Variants in MYLK4 observed in about 807,000 individuals in gnomAD.
The protein encoded by MYLK4 is myosin light chain kinase family member 4.
In MYLK4, 46 loss-of-function variants were observed where a neutral mutation model predicts 48.1. That is an observed-to-expected ratio of 0.96 (90% CI 0.75 to 1.22). The LOEUF (loss-of-function observed/expected upper bound fraction) is 1.22, where lower values mean the gene tolerates loss of function less well. Ranked by LOEUF, MYLK4 falls within the 50% of genes most tolerant of loss-of-function variation. MYLK4 has a pLI of 0.00. For missense variants in MYLK4, 451 were observed against 486.1 expected (o/e 0.93, Z 0.68); for synonymous variants, 170 against 180.8 (o/e 0.94, Z 0.48).
the MYLK4 span, chr6:2,765,805 C>T: frequency 3.6e-6 from 5 of 1,370,534 alleles, no homozygotes; most frequent in African/African-American, 4.6e-5. Flanking sequence ...GGGAGCGGGC[C>T]AAGGGGCCCT....
the MYLK4 span, chr6:2,766,334 G>T: frequency 1.9e-6 from 3 of 1,610,896 alleles, no homozygotes; most frequent in Non-Finnish European, 2.5e-6. Flanking sequence ...CACGCTGCAG[G>T]ATTACTTCGG....
upstream of MYLK4, among the ~76,000 whole-genome samples, chr6:2,754,770 T>C (rs986111167): frequency 6.6e-6 from 1 of 152,212 alleles, no homozygotes; most frequent in African/African-American, 2.4e-5. Flanking sequence ...CTGTCCCCAG[T>C]GACCAAGGCT....
the MYLK4 span, among the ~76,000 whole-genome samples, chr6:2,756,095 G>A: frequency 9.7e-4 from 148 of 152,214 alleles, no homozygotes; most frequent in Non-Finnish European, 1.7e-3. Flanking sequence ...ATCACCCAAC[G>A]TTTCTCAGTA....
At chr6:2,752,092 G>A (rs1344026394), upstream of MYLK4, among the ~76,000 whole-genome samples, 2 of 151,994 alleles carry the variant, frequency 1.3e-5, no homozygotes, top group African/African-American at 4.8e-5. Flanking sequence ...TCCTCCACCC[G>A]GACCACCACC....
intron 2 of MYLK4, among the ~76,000 whole-genome samples, chr6:2,739,444 C>T (rs1460095197): frequency 6.6e-6 from 1 of 152,172 alleles, no homozygotes; most frequent in Non-Finnish European, 1.5e-5. Flanking sequence ...CCCCGAAGTT[C>T]CTACGCATTA....
At chr6:2,757,657 A>G in the MYLK4 span, among the ~76,000 whole-genome samples, 335 of 152,200 alleles carry the variant, frequency 2.2e-3, no homozygotes, top group Admixed American at 3.0e-3. Context: ...ATAGTTAGGG[A>G]AAAAGGGACA....
At chr6:2,678,708 T>A (rs550770667) in intron 9 of MYLK4, among the ~76,000 whole-genome samples, 18 of 137,486 alleles carry the variant, frequency 1.3e-4, no homozygotes, top group South Asian at 7.2e-4. Flanking sequence ...ATTTAGGAGA[T>A]CAGTTTTTTT....
At chr6:2,680,117 T>G in intron 8 of MYLK4, 104 bp downstream of exon 8, 80 of 1,271,528 alleles carry the variant, frequency 6.3e-5, no homozygotes, top group Non-Finnish European at 7.9e-5. Context: ...TAATTATAAA[T>G]GAGATCATGA....
chr6:2,710,978 C>T (rs906998780), intron 2 of MYLK4, among the ~76,000 whole-genome samples: 15 of 152,182 alleles, frequency 9.9e-5, no homozygotes, highest in African/African-American at 3.6e-4. Flanking sequence ...CTTATAATAA[C>T]ATTTCTTGCA....
intron 2 of MYLK4, among the ~76,000 whole-genome samples, chr6:2,720,186 C>G (rs1042974147): frequency 6.6e-6 from 1 of 151,820 alleles, no homozygotes; most frequent in Non-Finnish European, 1.5e-5. Flanking sequence ...GGGTAGATCA[C>G]GAGGTCAGGA....
At position 2,711,757 on chromosome 6, in the gene MYLK4, C is replaced by G. The variant is rs545642007; in HGVS notation, c.160-18898G>C. On this transcript the variant is annotated intron_variant, in intron 2 of 12. Transcript: ENST00000274643. ...TTTAGTATGTGACATTATCCATGAA[C>G]TGAAAACAACTTTTAACAATGCTAA... Among the ~76,000 whole-genome samples, 10 of 152,020 alleles carry G rather than the reference C, an allele frequency of 6.6e-5. No homozygotes were observed. The South Asian group carries it at 2.1e-3, about 32-fold the overall frequency.
At chr6:2,766,462 C>T in the MYLK4 span, 1 of 1,496,334 alleles carries the variant, frequency 6.7e-7, no homozygotes, top group Middle Eastern at 1.8e-4. Context: ...CGGCCTTGGC[C>T]GTTGGGCTTC....
chr6:2,759,129 T>A, the MYLK4 span, among the ~76,000 whole-genome samples: 8 of 152,354 alleles, frequency 5.3e-5, no homozygotes, highest in East Asian at 1.5e-3. Flanking sequence ...TTTGTTGTTA[T>A]TTTTAGAGAC....
chr6:2,693,989 C>T (rs1761918678), intron 2 of MYLK4, among the ~76,000 whole-genome samples: 1 of 152,086 alleles, frequency 6.6e-6, no homozygotes, highest in Non-Finnish European at 1.5e-5. Context: ...GGACTCCTGA[C>T]CTCAGTTGAT....
At chr6:2,760,894 A>G in the MYLK4 span, among the ~76,000 whole-genome samples, 9 of 152,218 alleles carry the variant, frequency 5.9e-5, no homozygotes, top group Non-Finnish European at 1.3e-4. Context: ...AAGAAGAGAG[A>G]GGAACATGAG....
At position 2,720,187 on chromosome 6, in the gene MYLK4, G is replaced by A. The variant is rs937387036; in HGVS notation, c.160-27328C>T. On this transcript the variant is annotated intron_variant, in intron 2 of 12. Transcript: ENST00000274643. ...TGGGAGGCTGAGGCGGGTAGATCAC[G>A]AGGTCAGGAGATCGAGACCATCCTG... Among the ~76,000 whole-genome samples the A allele has an allele frequency of 1.6e-3, 236 of 151,922 alleles. 2 individuals carry two copies. The highest frequency in any genetic ancestry group is 5.0e-3 in the African/African-American group (206 of 41,392).
intron 2 of MYLK4, among the ~76,000 whole-genome samples, chr6:2,740,280 G>A (rs1277544739): frequency 6.6e-6 from 1 of 152,212 alleles, no homozygotes; most frequent in Admixed American, 6.5e-5. Context: ...CTCTGCTCCA[G>A]CCAGTACTGT....
chr6:2,685,647 C>A lies in MYLK4; in HGVS notation c.342-71G>T, dbSNP rs1761511600. The A allele has an allele frequency of 7.3e-7, 1 of 1,378,818 alleles. No individual in the cohort carries two copies. Among genetic ancestry groups the A allele is most frequent in the East Asian group, 2.3e-5 (1 of 43,862 alleles). 85.4% of individuals were successfully genotyped at this position (1,378,818 alleles called of 1,614,324 possible). ...TGCCGAGTGGACAGCGCACAGTGGCCCCAGTATTTCTCCTGCTGAGTCTGG... is the reference window on the plus strand; with the variant it reads ...TGCCGAGTGGACAGCGCACAGTGGCACCAGTATTTCTCCTGCTGAGTCTGG... On this transcript the variant is annotated intron_variant, in intron 4 of 12. Transcript: ENST00000274643. The surrounding 1 kb of genome is among the most constrained non-coding windows in gnomAD (Gnocchi z 4.5).
Position 2,745,148 on chromosome 6 carries a change from G to A in MYLK4, c.159+3988C>T, listed in dbSNP as rs537487197. 9.8e-5 allele frequency among the ~76,000 whole-genome samples: 15 copies of A among 152,286 alleles called. No individual in the cohort carries two copies. The East Asian group carries it at 1.3e-3, about 14-fold the overall frequency. On this transcript the variant is annotated intron_variant, in intron 2 of 12. Transcript: ENST00000274643. Reference sequence around the variant, plus strand: ...AAAGCAGTGAGAAGCACGCAGGGCCGAATGGTTGGCTGAGAATATCACCAG... The same window carrying A: ...AAAGCAGTGAGAAGCACGCAGGGCCAAATGGTTGGCTGAGAATATCACCAG...
Sources: allele counts gnomAD v4.1 joint callset (sites outside exome capture counted in the v4.1 genomes callset), GRCh38; gene constraint gnomAD v4.1.1; non-coding constraint Gnocchi (gnomAD v3.1); transcripts MANE v1.5; gene names NCBI Gene and HGNC (gene_info 2026-07-23, HGNC 2026-07-21).